The following IDE variants were observed in gnomAD, a reference collection of about 807,000 sequenced individuals.
IDE encodes the protein insulin-degrading enzyme.
IDE carries 58 observed loss-of-function variants against 133.2 expected under a neutral mutation model. The observed-to-expected ratio is 0.44, with a 90% CI of 0.35 to 0.54. The LOEUF (loss-of-function observed/expected upper bound fraction) is 0.54. Ranked by LOEUF, IDE falls within the 20% of genes least tolerant of loss-of-function variation. The pLI, the probability that IDE is intolerant of heterozygous loss-of-function variation, is 0.00. For synonymous variants in IDE, 396 were observed against 421.3 expected, an observed-to-expected ratio of 0.94 and a Z score of 0.73; for missense variants, 981 against 1,234.0, an observed-to-expected ratio of 0.79 and a Z score of 3.07.
intron 1 of IDE, among the ~76,000 whole-genome samples, chr10:92,566,564 A>C (rs1843563831): frequency 6.6e-6 from 1 of 151,998 alleles, no homozygotes; most frequent in African/African-American, 2.4e-5. Context: ...AATCAAAACA[A>C]TTGAATTCAT....
rs116680439 is a variant in IDE at position 92,563,667 on chromosome 10, T to C, written c.98+10255A>G. Among the ~76,000 whole-genome samples, 1,057 of 151,836 alleles carry C rather than the reference T, an allele frequency of 7.0e-3. 11 individuals carry two copies. Among genetic ancestry groups the C allele is most frequent in the African/African-American group, 0.024 (1,008 of 41,402 alleles). ...TTGGGAGGCTGAGGCAGAGAATCGCTTCAACCTGGGGCAGGGGGCAGAGGT... is the reference window on the plus strand; with the variant it reads ...TTGGGAGGCTGAGGCAGAGAATCGCCTCAACCTGGGGCAGGGGGCAGAGGT... On this transcript the variant is annotated intron_variant, in intron 1 of 24. Transcript: ENST00000265986.
chr10:92,515,317 T>G (rs1184586434), intron 4 of IDE, among the ~76,000 whole-genome samples: 1 of 149,182 alleles, frequency 6.7e-6, no homozygotes, highest in African/African-American at 2.5e-5. Context: ...TGGAGTGCGG[T>G]GGTGTGATCT....
At chr10:92,490,659 A>T (rs1847290647) in intron 11 of IDE, 64 bp from the exon 12 acceptor site, 1 of 955,544 alleles carries the variant, frequency 1.0e-6, no homozygotes, top group Admixed American at 2.1e-5. Context: ...GAATTTAAAG[A>T]ACCTGACTCA....
chr10:92,483,167 G>T, intron 14 of IDE, 88 bp downstream of exon 14: 1 of 649,922 alleles, frequency 1.5e-6, no homozygotes, highest in South Asian at 1.9e-5. Context: ...TTTATTTCTA[G>T]ACATGGATGT....
intron 1 of IDE, among the ~76,000 whole-genome samples, chr10:92,543,499 A>G (rs1196007730): frequency 1.3e-5 from 2 of 152,348 alleles, no homozygotes; most frequent in South Asian, 4.1e-4. Context: ...CAGCTAGATC[A>G]TAAAGTTGGG....
intron 4 of IDE, among the ~76,000 whole-genome samples, chr10:92,518,885 A>C (rs894825755): frequency 2.0e-5 from 3 of 152,204 alleles, no homozygotes; most frequent in Non-Finnish European, 2.9e-5. Flanking sequence ...GATAGTGGTT[A>C]TCTCTCAGGA....
chr10:92,479,242 T>C, intron 15 of IDE, 35 bp downstream of exon 15: 2 of 1,488,686 alleles, frequency 1.3e-6, no homozygotes, highest in Non-Finnish European at 1.8e-6. Context: ...TAAAAAATGT[T>C]GATGAGTGGA....
intron 1 of IDE, among the ~76,000 whole-genome samples, chr10:92,564,946 A>C (rs1323962029): frequency 6.6e-6 from 1 of 151,866 alleles, no homozygotes; most frequent in Non-Finnish European, 1.5e-5. Context: ...TAAAATTAAG[A>C]GATCAAGAAA....
chr10:92,480,342 A>G (rs538401860), intron 14 of IDE, among the ~76,000 whole-genome samples: 4 of 152,272 alleles, frequency 2.6e-5, no homozygotes, highest in Non-Finnish European at 4.4e-5. Context: ...TAAAGAGTGA[A>G]CAAATCAGGC....
In IDE at chr10:92,476,269, G is replaced by C. The variant is rs137928599; in HGVS notation, c.1885-275C>G. On this transcript the variant is annotated intron_variant, in intron 15 of 24. Coordinates refer to ENST00000265986, the MANE Select transcript of IDE (RefSeq NM_004969.4). ...GTTCACTGCAACCTCAGCCTCCCAG[G>C]TTCAGGCAATTCTCCTGTCTCAGCC... Among the ~76,000 whole-genome samples, 558 of 151,852 alleles carry C rather than the reference G, an allele frequency of 3.7e-3. 5 individuals carry two copies. The highest frequency in any genetic ancestry group is 0.013 in the African/African-American group (534 of 41,390).
chr10:92,507,680 G>GCA lies in IDE; in HGVS notation c.1154-16_1154-15dup, dbSNP rs1720659376. 1 of 1,420,326 alleles carries GCA rather than the reference G, an allele frequency of 7.0e-7. No homozygotes were observed. The highest frequency in any genetic ancestry group is 1.4e-5 in the African/African-American group (1 of 71,090). 88.0% of individuals were successfully genotyped at this position (1,420,326 alleles called of 1,614,324 possible). On this transcript the variant is annotated splice_polypyrimidine_tract_variant and intron_variant, in intron 8 of 24. Transcript: ENST00000265986. ...CTTCAACATGTACTGGAAAAAAGGG[G>GCA]CACACTTAAAAACCATTCAGTCCTT...
intron 4 of IDE, among the ~76,000 whole-genome samples, chr10:92,521,580 TCACTTTGGGGTCCTAG>T (rs1849228575): frequency 6.6e-6 from 1 of 151,902 alleles, no homozygotes; most frequent in Non-Finnish European, 1.5e-5. Context: ...TTTGGGTGAC[TCACTTTGGGGTCCTAG>T]CACTTTGGGT....
chr10:92,512,721 A>T (rs963729146), intron 5 of IDE, among the ~76,000 whole-genome samples: 1 of 152,048 alleles, frequency 6.6e-6, no homozygotes, highest in Non-Finnish European at 1.5e-5. Flanking sequence ...TCCATTTTAC[A>T]CCCTGGTTCT....
At chr10:92,478,379 G>A (rs962069148) in intron 15 of IDE, among the ~76,000 whole-genome samples, 2 of 152,082 alleles carry the variant, frequency 1.3e-5, no homozygotes, top group African/African-American at 2.4e-5. Flanking sequence ...AGAACAATAT[G>A]CTTTCAGGAT....
At chr10:92,457,117 C>G (rs763558113) in intron 22 of IDE, among the ~76,000 whole-genome samples, 1 of 151,932 alleles carries the variant, frequency 6.6e-6, no homozygotes, top group African/African-American at 2.4e-5. Context: ...AAAAACCTAG[C>G]CTAGTACTCA....
At chr10:92,467,310 CA>C (rs1392828641) in intron 19 of IDE, among the ~76,000 whole-genome samples, 10 of 151,990 alleles carry the variant, frequency 6.6e-5, no homozygotes, top group African/African-American at 2.4e-4. Flanking sequence ...TGGCTTCAAG[CA>C]ATCTTTTTAC....
intron 2 of IDE, 78 bp downstream of exon 2, chr10:92,537,288 C>A: frequency 8.8e-7 from 1 of 1,140,868 alleles, no homozygotes; most frequent in Non-Finnish European, 1.3e-6. Context: ...TATTTAAACA[C>A]GTATGGAAAG....
At chr10:92,516,691 G>T (rs1201030388) in intron 4 of IDE, among the ~76,000 whole-genome samples, 3 of 152,074 alleles carry the variant, frequency 2.0e-5, no homozygotes, top group Non-Finnish European at 4.4e-5. Context: ...CAAGTTACTT[G>T]TGGAAAGAAA....
chr10:92,524,320 AT>A, intron 4 of IDE, among the ~76,000 whole-genome samples: 1 of 70,448 alleles, frequency 1.4e-5, no homozygotes, highest in Admixed American at 2.7e-4. Context: ...AATATATATA[AT>A]ATATTATTAT....
Sources: gnomAD v4.1 joint callset for allele counts (sites outside exome capture counted in the v4.1 genomes callset) on GRCh38, gnomAD v4.1.1 for gene constraint, MANE v1.5 for transcripts, NCBI Gene and HGNC (gene_info 2026-07-23, HGNC 2026-07-21) for gene names.